The following GPC6 variants were observed in gnomAD, a reference collection of about 807,000 sequenced individuals.
GPC6 encodes glypican-6.
Under a neutral mutation model 55.2 loss-of-function variants are expected in GPC6, and 14 were observed. That is an observed-to-expected ratio of 0.25 (90% confidence interval 0.17 to 0.40). GPC6 has a LOEUF of 0.40. GPC6 is among the 10% of genes least tolerant of loss of function. The probability of loss-of-function intolerance (pLI) is 1.00; values close to 1 mark genes in which losing one functional copy is unlikely to be tolerated. For synonymous variants in GPC6, 278 were observed against 259.6 expected (o/e 1.07, Z -0.68); for missense variants, 641 against 708.5 (o/e 0.90, Z 1.08).
intron 2 of GPC6, among the ~76,000 whole-genome samples, chr13:93,788,057 T>A (rs572478284): frequency 6.6e-6 from 1 of 152,316 alleles, no homozygotes; most frequent in African/African-American, 2.4e-5. Context: ...GTGTAGTATA[T>A]CACAACTATC....
In GPC6 at chr13:94,204,019, A is replaced by G. The variant is rs189767783; in HGVS notation, c.878-82330A>G. ...TATGTTTACCTACTTTATTGTTTAA[A>G]CATATAACTTTGAAGGAATATCCAA... On this transcript the variant is annotated intron_variant, in intron 4 of 8. Transcript: ENST00000377047. 6.6e-5 allele frequency among the ~76,000 whole-genome samples: 10 copies of G among 152,314 alleles called. No individual in the cohort carries two copies. The East Asian group carries it at 1.9e-3, about 29-fold the overall frequency.
intron 6 of GPC6, among the ~76,000 whole-genome samples, chr13:94,355,893 A>G (rs1431525337): frequency 1.3e-5 from 2 of 150,826 alleles, no homozygotes; most frequent in Non-Finnish European, 3.0e-5. Flanking sequence ...TAGGTATTAA[A>G]CCCCGCATGC....
chr13:93,337,751 C>A (rs9561316), intron 1 of GPC6, among the ~76,000 whole-genome samples: 1 of 152,066 alleles, frequency 6.6e-6, no homozygotes, highest in Non-Finnish European at 1.5e-5. Flanking sequence ...ACAAAGAGAA[C>A]GAATTCTTTT....
chr13:94,286,250 C>T (rs1204964167), intron 4 of GPC6, 99 bp from the exon 5 acceptor site: 1 of 1,233,346 alleles, frequency 8.1e-7, no homozygotes, highest in Non-Finnish European at 1.2e-6. Context: ...CGTGAATGCA[C>T]CATTATTTTT....
At chr13:94,201,818 G>A (rs948956952) in intron 4 of GPC6, among the ~76,000 whole-genome samples, 2 of 151,950 alleles carry the variant, frequency 1.3e-5, no homozygotes, top group South Asian at 2.1e-4. Flanking sequence ...GCGTGGTGGC[G>A]GGTGCCTGTA....
At chr13:94,030,171 G>A (rs2138724001) in intron 4 of GPC6, among the ~76,000 whole-genome samples, 1 of 152,034 alleles carries the variant, frequency 6.6e-6, no homozygotes, top group South Asian at 2.1e-4. Flanking sequence ...ACCACACCAG[G>A]CTAATTTTTT....
intron 4 of GPC6, among the ~76,000 whole-genome samples, chr13:94,252,595 C>A (rs1047216986): frequency 1.3e-4 from 20 of 152,018 alleles, no homozygotes; most frequent in African/African-American, 4.8e-4. Context: ...TGCTGCTCTC[C>A]CCTGTACCCA....
chr13:93,270,646 G>A (rs1483005657), intron 1 of GPC6, among the ~76,000 whole-genome samples: 2 of 149,066 alleles, frequency 1.3e-5, no homozygotes, highest in Admixed American at 6.7e-5. Flanking sequence ...TTTATACCAG[G>A]CTCCCATACA....
At chr13:93,379,904 G>A (rs1875086712) in intron 1 of GPC6, among the ~76,000 whole-genome samples, 1 of 149,226 alleles carries the variant, frequency 6.7e-6, no homozygotes, top group Non-Finnish European at 1.5e-5. Flanking sequence ...ATTAGAAGCA[G>A]CCAATAAATG....
intron 3 of GPC6, among the ~76,000 whole-genome samples, chr13:93,935,812 C>T (rs1335925827): frequency 6.6e-6 from 1 of 152,124 alleles, no homozygotes; most frequent in Non-Finnish European, 1.5e-5. Flanking sequence ...CAGTGTTTAT[C>T]AAAGGTAGTT....
At chr13:94,103,545 C>T (rs761492286) in intron 4 of GPC6, among the ~76,000 whole-genome samples, 27 of 152,132 alleles carry the variant, frequency 1.8e-4, no homozygotes, top group Non-Finnish European at 3.5e-4. Context: ...CTCTCCAGCA[C>T]CTGTTGTTTC....
At chr13:93,435,592 A>G (rs914407909) in intron 1 of GPC6, among the ~76,000 whole-genome samples, 1 of 151,154 alleles carries the variant, frequency 6.6e-6, no homozygotes, top group Non-Finnish European at 1.5e-5. Flanking sequence ...CCACCAACGA[A>G]AGAAACCAAT....
At chr13:94,101,363 GCCT>G (rs1885852584) in intron 4 of GPC6, among the ~76,000 whole-genome samples, 2 of 152,272 alleles carry the variant, frequency 1.3e-5, no homozygotes, top group African/African-American at 4.8e-5. Context: ...GAAAAATGAA[GCCT>G]CTCTGAAAAT....
chr13:93,626,953 G>A (rs191702034), intron 2 of GPC6, among the ~76,000 whole-genome samples: 49 of 152,228 alleles, frequency 3.2e-4, no homozygotes, highest in Admixed American at 7.9e-4. Context: ...AAGCGGGCAT[G>A]TCTTACATGG....
At chr13:94,025,538 C>T (rs1056166098) in intron 3 of GPC6, 4 of 151,844 alleles carry the variant, frequency 2.6e-5, no homozygotes, top group Admixed American at 6.6e-5. Context: ...CCTGGCCCAA[C>T]CCTCCTTAGC....
chr13:93,906,422 G>A (rs1210135745), intron 3 of GPC6, among the ~76,000 whole-genome samples: 1 of 152,102 alleles, frequency 6.6e-6, no homozygotes, highest in Admixed American at 6.5e-5. Flanking sequence ...TGAAATAAAT[G>A]CTCATGACAG....
chr13:94,245,892 G>T (rs747025109), intron 4 of GPC6, among the ~76,000 whole-genome samples: 3 of 152,100 alleles, frequency 2.0e-5, no homozygotes, highest in Non-Finnish European at 4.4e-5. Context: ...AAGAGGAATT[G>T]CTACAACATA....
intron 4 of GPC6, among the ~76,000 whole-genome samples, chr13:94,093,307 G>A (rs950966910): frequency 3.3e-5 from 5 of 151,908 alleles, no homozygotes; most frequent in Non-Finnish European, 5.9e-5. Flanking sequence ...GTGAGATAAT[G>A]GTCCAAACTG....
chr13:94,079,655 C>T (rs1885039406), intron 4 of GPC6, among the ~76,000 whole-genome samples: 1 of 152,138 alleles, frequency 6.6e-6, no homozygotes, highest in African/African-American at 2.4e-5. Flanking sequence ...TATGTGTGAA[C>T]CTATATTCCT....
Sources: gnomAD v4.1 joint callset for allele counts (sites outside exome capture counted in the v4.1 genomes callset) on GRCh38, gnomAD v4.1.1 for gene constraint, MANE v1.5 for transcripts, NCBI Gene and HGNC (gene_info 2026-07-23, HGNC 2026-07-21) for gene names.